BRD10: variants seen among roughly 807,000 people sequenced by gnomAD.
BRD10 encodes the protein bromodomain containing 10, also known as uncharacterized bromodomain-containing protein 10.
chr9:5,944,187 G>C, the BRD10 span, among the ~76,000 whole-genome samples: 1 of 152,050 alleles, frequency 6.6e-6, no homozygotes, highest in Non-Finnish European at 1.5e-5. Flanking sequence ...GTATGTAATT[G>C]TGTTTAAAAT....
the BRD10 span, among the ~76,000 whole-genome samples, chr9:5,938,228 C>T: frequency 2.0e-5 from 3 of 152,034 alleles, no homozygotes; most frequent in Admixed American, 1.3e-4. Context: ...ATCAATTGAG[C>T]CCAGGAGTTT....
the BRD10 span, among the ~76,000 whole-genome samples, chr9:5,950,837 C>T: frequency 1.4e-4 from 22 of 152,034 alleles, no homozygotes; most frequent in African/African-American, 5.1e-4. Context: ...CTCCCATATA[C>T]TTTAGGTCAT....
chr9:5,898,340 A>C, the BRD10 span, among the ~76,000 whole-genome samples: 2 of 152,336 alleles, frequency 1.3e-5, no homozygotes, highest in Middle Eastern at 3.4e-3. Flanking sequence ...AACACTCCAC[A>C]TATGGCCCAA....
the BRD10 span, among the ~76,000 whole-genome samples, chr9:6,000,807 C>T: frequency 6.6e-6 from 1 of 152,146 alleles, no homozygotes; most frequent in Non-Finnish European, 1.5e-5. Context: ...TTAATCATAA[C>T]CCTAATCTTT....
the BRD10 span, among the ~76,000 whole-genome samples, chr9:5,969,798 G>A: frequency 3.9e-5 from 6 of 152,122 alleles, no homozygotes; most frequent in Admixed American, 6.5e-5. Flanking sequence ...CGCCTGCCTC[G>A]GCCTCCCAAA....
chr9:5,935,052 T>C, the BRD10 span, among the ~76,000 whole-genome samples: 3 of 152,180 alleles, frequency 2.0e-5, no homozygotes, highest in African/African-American at 4.8e-5. Flanking sequence ...ATGTTAATCA[T>C]GTTGGTACAC....
chr9:5,982,630 G>T, the BRD10 span, among the ~76,000 whole-genome samples: 5 of 152,174 alleles, frequency 3.3e-5, no homozygotes, highest in African/African-American at 1.2e-4. Flanking sequence ...ACTACCAGAT[G>T]TACTCCCTGA....
chr9:5,934,051 T>C, the BRD10 span, among the ~76,000 whole-genome samples: 2 of 150,060 alleles, frequency 1.3e-5, no homozygotes. Flanking sequence ...TGTAATATTA[T>C]ATCTAAACAA....
chr9:5,945,065 C>G, the BRD10 span: 3 of 489,908 alleles, frequency 6.1e-6, no homozygotes, highest in East Asian at 1.0e-4. Flanking sequence ...AATTATTTTT[C>G]TCTGTAATAG....
At chr9:5,922,909 A>G in the BRD10 span, 16 of 1,613,844 alleles carry the variant, frequency 9.9e-6, no homozygotes, top group Non-Finnish European at 1.4e-5. Context: ...GAGCATTTCT[A>G]CCTGTGGAAG....
At chr9:5,960,388 C>T in the BRD10 span, among the ~76,000 whole-genome samples, 1 of 152,060 alleles carries the variant, frequency 6.6e-6, no homozygotes, top group African/African-American at 2.4e-5. Context: ...ATGGTGAAAT[C>T]TCATCTCTAC....
chr9:5,891,760 G>A, the BRD10 span, among the ~76,000 whole-genome samples: 1 of 152,186 alleles, frequency 6.6e-6, no homozygotes, highest in Admixed American at 6.5e-5. Flanking sequence ...GAGAGAAGCA[G>A]AAATTGACTT....
chr9:5,913,642 T>A, the BRD10 span, among the ~76,000 whole-genome samples: 1 of 152,256 alleles, frequency 6.6e-6, no homozygotes, highest in East Asian at 1.9e-4. Flanking sequence ...TACACTTGCC[T>A]GTCTTCTTTA....
the BRD10 span, among the ~76,000 whole-genome samples, chr9:5,998,100 T>C: frequency 6.6e-6 from 1 of 152,098 alleles, no homozygotes; most frequent in Non-Finnish European, 1.5e-5. Context: ...CTAAACTTAG[T>C]AAAAATAAAC....
the BRD10 span, among the ~76,000 whole-genome samples, chr9:6,000,852 C>A: frequency 3.0e-4 from 46 of 152,264 alleles, no homozygotes; most frequent in Non-Finnish European, 4.9e-4. Flanking sequence ...AATCCTCACA[C>A]AAAGTTCTGC....
At chr9:6,007,913 T>G in the BRD10 span, 1 of 1,337,290 alleles carries the variant, frequency 7.5e-7, no homozygotes, top group Non-Finnish European at 9.5e-7. Flanking sequence ...GGCCTGGCTC[T>G]CCTCAGCCGC....
chr9:5,968,887 T>C, the BRD10 span: 14 of 1,612,864 alleles, frequency 8.7e-6, no homozygotes, highest in African/African-American at 8.0e-5. Context: ...GCTGTCCAAG[T>C]ACAGCATCTT....
At chr9:5,991,679 C>T in the BRD10 span, among the ~76,000 whole-genome samples, 3 of 146,358 alleles carry the variant, frequency 2.0e-5, no homozygotes. Context: ...GAGCCAAGAT[C>T]GTGCCATTGC....
At chr9:5,939,986 G>C in the BRD10 span, among the ~76,000 whole-genome samples, 1 of 152,170 alleles carries the variant, frequency 6.6e-6, no homozygotes, top group South Asian at 2.1e-4. Context: ...TCTGATCTAA[G>C]CTTCTGACTT....
Sources: gnomAD v4.1 joint callset for allele counts (sites outside exome capture counted in the v4.1 genomes callset) on GRCh38, gnomAD v4.1.1 for gene constraint, MANE v1.5 for transcripts, NCBI Gene and HGNC (gene_info 2026-07-23, HGNC 2026-07-21) for gene names.